BCL7C: variants seen among roughly 807,000 people sequenced by gnomAD.
BCL7C encodes BAF chromatin remodeling complex subunit BCL7C.
BCL7C carries 8 observed loss-of-function variants against 26.2 expected under a neutral mutation model. The ratio of observed to expected loss-of-function variants is 0.30; its 90% CI spans 0.18 to 0.55. The LOEUF (loss-of-function observed/expected upper bound fraction) is 0.55. Ranked by LOEUF, BCL7C falls within the 20% of genes least tolerant of loss-of-function variation. The pLI is 0.93. For synonymous variants in BCL7C, 90 were observed against 116.5 expected, an observed-to-expected ratio of 0.77 and a Z score of 1.47; for missense variants, 262 against 298.5, an observed-to-expected ratio of 0.88 and a Z score of 0.90.
chr16:30,864,034 A>G (rs886211956), intron 5 of BCL7C, among the ~76,000 whole-genome samples: 2 of 152,072 alleles, frequency 1.3e-5, no homozygotes, highest in Admixed American at 1.3e-4. Flanking sequence ...CCATCACACT[A>G]TCAATCTCAC....
intron 5 of BCL7C, among the ~76,000 whole-genome samples, chr16:30,865,431 A>T (rs1030285352): frequency 5.3e-5 from 8 of 151,954 alleles, no homozygotes; most frequent in African/African-American, 1.7e-4. Flanking sequence ...TTTGAAAATT[A>T]GCCTGGCCTA....
rs2054555618 is a variant in BCL7C at position 30,834,048 on chromosome 16, TA to T, written c.*899del. ...ATCAGTCACAATGCCTGGTACAGAG[TA>T]AACCCTTGATAAATGGGAGGCGTTA... On this transcript the variant is annotated 3_prime_UTR_variant, in exon 6 of 6. Transcript: ENST00000380317. The surrounding 1 kb of genome is among the most constrained non-coding windows in gnomAD (Gnocchi z 4.3). 6.6e-6 allele frequency: 1 copy of T among 152,096 alleles called. No homozygotes were observed. The highest frequency in any genetic ancestry group is 2.4e-5 in the African/African-American group (1 of 41,412). 9.4% of individuals were successfully genotyped at this position (152,096 alleles called of 1,614,324 possible). A position where few individuals can be genotyped will look rare whatever the true frequency, so the allele number is the denominator to read the frequency against.
chr16:30,862,312 T>G (rs943129351), intron 5 of BCL7C, among the ~76,000 whole-genome samples: 6 of 152,260 alleles, frequency 3.9e-5, no homozygotes, highest in Non-Finnish European at 7.4e-5. Flanking sequence ...ACATGCTTCC[T>G]TTACTATTCC....
At chr16:30,836,731 C>G (rs2054571725) in intron 5 of BCL7C, among the ~76,000 whole-genome samples, 1 of 151,948 alleles carries the variant, frequency 6.6e-6, no homozygotes, top group Non-Finnish European at 1.5e-5. Context: ...CCACTTCAGC[C>G]TCCCAAAGTG....
At position 30,834,980 on chromosome 16, in the gene BCL7C, G is replaced by A; in HGVS notation, c.697C>T (p.Pro233Ser). Residue 233 changes from proline (P) to serine (S), a missense_variant, in exon 6 of 6, where the codon CCC becomes TCC. Transcript: ENST00000380317. The surrounding 1 kb of genome is among the most constrained non-coding windows in gnomAD (Gnocchi z 4.3). ...CCCTTACCCTGGGGGATTGTTCTGG[G>A]TGCCCTCGGGGCCTTGCTGCCTCCC... 7 of 1,546,964 alleles carry A rather than the reference G, an allele frequency of 4.5e-6. No homozygotes were observed. The highest frequency in any genetic ancestry group is 6.1e-6 in the Non-Finnish European group (7 of 1,145,858).
chr16:30,888,973 C>A, intron 4 of BCL7C, 28 bp from the exon 5 acceptor site: 1 of 1,605,706 alleles, frequency 6.2e-7, no homozygotes, highest in Non-Finnish European at 8.5e-7. Context: ...CAAACATCCC[C>A]TGAACAGCCA....
intron 5 of BCL7C, among the ~76,000 whole-genome samples, chr16:30,878,372 T>A (rs578032515): frequency 8.6e-4 from 110 of 127,944 alleles, no homozygotes; most frequent in Non-Finnish European, 1.5e-3. Context: ...CTACTAAAAA[T>A]AAAAAAATTT....
chr16:30,841,291 T>C (rs1237257717), intron 5 of BCL7C, among the ~76,000 whole-genome samples: 1 of 152,194 alleles, frequency 6.6e-6, no homozygotes, highest in Non-Finnish European at 1.5e-5. Context: ...GAGGTCCTGA[T>C]ACCTCAGAAT....
intron 5 of BCL7C, among the ~76,000 whole-genome samples, chr16:30,854,900 G>T (rs751765004): frequency 6.6e-5 from 10 of 151,988 alleles, no homozygotes; most frequent in Non-Finnish European, 1.2e-4. Flanking sequence ...GTTTCGCCAC[G>T]TTGGTTAGGC....
At chr16:30,859,047 A>G (rs1212593246) in intron 5 of BCL7C, among the ~76,000 whole-genome samples, 1 of 152,330 alleles carries the variant, frequency 6.6e-6, no homozygotes, top group East Asian at 1.9e-4. Flanking sequence ...ATCAAAACCA[A>G]CCAGTGTAAT....
intron 5 of BCL7C, among the ~76,000 whole-genome samples, chr16:30,855,725 G>A (rs1405497217): frequency 6.6e-6 from 1 of 152,074 alleles, no homozygotes; most frequent in Non-Finnish European, 1.5e-5. Context: ...AGAAGTTTGA[G>A]ACCAGCCTGG....
chr16:30,893,707 G>C lies in BCL7C; in HGVS notation c.92+146C>G, dbSNP rs1039780723. ...ACCCCCAGGAGTAGCCAGGCGAACG[G>C]GGACAGAGCCCTGTGGATCCAGGGC... On this transcript the variant is annotated intron_variant, in intron 1 of 5. Transcript: ENST00000215115. This position sits in a 1 kb window ranked among gnomAD's most constrained non-coding sequence, Gnocchi z 5.2. 2.9e-6 allele frequency: 2 copies of C among 683,914 alleles called. No homozygotes were observed. Among genetic ancestry groups the C allele is most frequent in the Non-Finnish European group, 5.0e-6 (2 of 398,148 alleles). 42.4% of individuals were successfully genotyped at this position (683,914 alleles called of 1,614,324 possible).
At chr16:30,880,309 C>A (rs1180954031) in intron 5 of BCL7C, among the ~76,000 whole-genome samples, 1 of 151,712 alleles carries the variant, frequency 6.6e-6, no homozygotes, top group Non-Finnish European at 1.5e-5. Flanking sequence ...TATGGTGAGA[C>A]CCCGTCTCTG....
intron 5 of BCL7C, among the ~76,000 whole-genome samples, chr16:30,850,279 C>A (rs1026911112): frequency 1.3e-5 from 2 of 151,786 alleles, no homozygotes; most frequent in African/African-American, 4.8e-5. Context: ...GGATTACAGG[C>A]ATGAGCCACC....
chr16:30,845,785 C>T (rs1199351602), intron 5 of BCL7C, among the ~76,000 whole-genome samples: 2 of 151,688 alleles, frequency 1.3e-5, no homozygotes, highest in Non-Finnish European at 2.9e-5. Context: ...GCAATCACAG[C>T]TCACTGCAGC....
At chr16:30,863,890 A>G (rs1022419098) in intron 5 of BCL7C, among the ~76,000 whole-genome samples, 1 of 152,054 alleles carries the variant, frequency 6.6e-6, no homozygotes, top group South Asian at 2.1e-4. Flanking sequence ...TCCCTCTTGG[A>G]GTGGATAGAT....
chr16:30,876,363 T>C (rs1034448824), intron 5 of BCL7C, among the ~76,000 whole-genome samples: 1 of 152,176 alleles, frequency 6.6e-6, no homozygotes, highest in Non-Finnish European at 1.5e-5. Flanking sequence ...ACTCCATTGA[T>C]CACAGGACCT....
At chr16:30,880,474 C>T (rs867192671) in intron 5 of BCL7C, among the ~76,000 whole-genome samples, 40 of 148,496 alleles carry the variant, frequency 2.7e-4, no homozygotes, top group Admixed American at 2.6e-3. Flanking sequence ...CTGAGGTGAG[C>T]GGATCACGAG....
intron 5 of BCL7C, among the ~76,000 whole-genome samples, chr16:30,845,636 A>T (rs1291108117): frequency 1.3e-5 from 2 of 151,888 alleles, no homozygotes; most frequent in Non-Finnish European, 2.9e-5. Context: ...GTGGGAGAAG[A>T]TTCTTCATTG....
Sources: gnomAD v4.1 joint callset for allele counts (sites outside exome capture counted in the v4.1 genomes callset) on GRCh38, gnomAD v4.1.1 for gene constraint, Gnocchi (gnomAD v3.1) non-coding constraint, MANE v1.5 for transcripts, NCBI Gene and HGNC (gene_info 2026-07-23, HGNC 2026-07-21) for gene names.